Variants in MIB1 observed in about 807,000 individuals in gnomAD.
MIB1 encodes the protein MIB E3 ubiquitin protein ligase 1, also known as E3 ubiquitin-protein ligase MIB1.
In MIB1, 278 loss-of-function variants were observed where a neutral mutation model predicts 124.5. That is an observed-to-expected ratio of 2.23 (90% CI 2.02 to 2.47). The LOEUF (loss-of-function observed/expected upper bound fraction) is 2.47, where lower values mean the gene tolerates loss of function less well. MIB1 is among the 30% of genes most tolerant of loss of function. The probability of loss-of-function intolerance (pLI) is 0.00; values close to 1 mark genes in which losing one functional copy is unlikely to be tolerated. For synonymous variants in MIB1, 446 were observed against 429.4 expected (o/e 1.04, Z -0.48); for missense variants, 957 against 1,254.4 (o/e 0.76, Z 3.58).
rs969012484 is a variant in MIB1 at position 21,835,718 on chromosome 18, C to T, written c.1830-2647C>T. Among the ~76,000 whole-genome samples the T allele has an allele frequency of 1.5e-4, 22 of 148,650 alleles. No individual in the cohort carries two copies. The East Asian group carries it at 2.4e-3, about 16-fold the overall frequency. ...CTGGGAGGTGGAGGTTGCAGTGAGC[C>T]GAGATTGAGCTACTGCACTCCAGCC... On this transcript the variant is annotated intron_variant, in intron 12 of 20. Coordinates refer to ENST00000261537, the MANE Select transcript of MIB1 (RefSeq NM_020774.4).
Position 21,866,792 on chromosome 18 carries a change from A to C in MIB1, c.*2126A>C, listed in dbSNP as rs568521974. 1 of 152,440 alleles carries C rather than the reference A, an allele frequency of 6.6e-6. No individual in the cohort carries two copies. The highest frequency in any genetic ancestry group is 6.5e-5 in the Admixed American group (1 of 15,306). The allele number at this position is 152,440 out of a possible 1,614,324, so 9.4% of individuals were successfully genotyped here. ...ATAGAAATAATGTCATTATAATTTT[A>C]GTGCTAGTACTTGTGGGTTTTCTGT... On this transcript the variant is annotated 3_prime_UTR_variant, in exon 21 of 21. Transcript: ENST00000261537.
At chr18:21,827,121 A>G (rs2041932414) in intron 12 of MIB1, 2 of 152,106 alleles carry the variant, frequency 1.3e-5, no homozygotes, top group Non-Finnish European at 1.5e-5. Flanking sequence ...ACAGCATTTG[A>G]TAATGTCAGC....
intron 11 of MIB1, 88 bp downstream of exon 11, chr18:21,815,901 T>A: frequency 8.5e-7 from 1 of 1,178,148 alleles, no homozygotes; most frequent in African/African-American, 1.5e-5. Context: ...CATTCCTTTG[T>A]TACCGTTCTC....
At chr18:21,782,144 C>T (rs779590440) in intron 6 of MIB1, among the ~76,000 whole-genome samples, 3 of 151,756 alleles carry the variant, frequency 2.0e-5, no homozygotes, top group Non-Finnish European at 4.4e-5. Context: ...TTTTTTGAGA[C>T]GAAGTTTCGC....
intron 13 of MIB1, among the ~76,000 whole-genome samples, chr18:21,842,445 T>C: frequency 6.6e-6 from 1 of 152,134 alleles, no homozygotes; most frequent in East Asian, 1.9e-4. Flanking sequence ...GTTTTAACTG[T>C]CACCATTTTG....
chr18:21,803,930 C>T lies in MIB1; in HGVS notation c.1395C>T (p.His465=). The T allele has an allele frequency of 1.2e-6, 2 of 1,613,426 alleles. No individual in the cohort carries two copies. Among genetic ancestry groups the T allele is most frequent in the Middle Eastern group, 3.3e-4 (2 of 5,976 alleles). ...DVDVNGQCAG[H]TAMQAASQNG... ...AGGTAAATGGGCAATGTGCTGGCCA[C>T]ACAGCTATGCAAGCTGCTAGTCAGA... The change falls in exon 10 of 21, where the codon CAC becomes CAT. Residue 465 remains histidine, a synonymous_variant. Transcript: ENST00000261537.
At chr18:21,779,790 AG>A in intron 6 of MIB1, 105 bp downstream of exon 6, 1 of 886,302 alleles carries the variant, frequency 1.1e-6, no homozygotes, top group Non-Finnish European at 1.8e-6. Context: ...CATTAAAGCT[AG>A]CTTTTAGATG....
chr18:21,746,790 A>C (rs2040917236), intron 1 of MIB1, among the ~76,000 whole-genome samples: 1 of 152,192 alleles, frequency 6.6e-6, no homozygotes, highest in African/African-American at 2.4e-5. Context: ...GTCATAGTTC[A>C]TTCAAACTGT....
rs2041952723 is a variant in MIB1, at chr18:21,828,933, T to G, written c.1829+9287T>G. The G allele has an allele frequency of 6.6e-6, 3 of 451,422 alleles. No individual in the cohort carries two copies. In the Admixed American group the frequency reaches 8.2e-5, roughly 12 times the overall value. The allele number at this position is 451,422 out of a possible 1,614,324, so 28.0% of individuals were successfully genotyped here. On this transcript the variant is annotated intron_variant, in intron 12 of 20. Coordinates refer to ENST00000261537, the MANE Select transcript of MIB1 (RefSeq NM_020774.4). ...TTCATGACTAGGTTAATTTACCATA[T>G]GACGGTCATTCACGTAGAAAGAAGC...
rs1231868738 is a variant in MIB1, at chr18:21,755,221, TGTAGATTAGCACTAC to T, written c.230-10546_230-10532del. Among the ~76,000 whole-genome samples, 12 of 152,342 alleles carry T rather than the reference TGTAGATTAGCACTAC, an allele frequency of 7.9e-5. No individual in the cohort carries two copies. In the East Asian group the frequency reaches 2.3e-3, roughly 29 times the overall value. On this transcript the variant is annotated intron_variant, in intron 1 of 20. Transcript: ENST00000261537. ...ACAACATTTTTTATCTTTGTAAGCC[TGTAGATTAGCACTAC>T]GTAGTGTAAACAGGTTCTTGTGAAC...
chr18:21,822,464 T>TA (rs202119768), intron 12 of MIB1, among the ~76,000 whole-genome samples: 12 of 151,474 alleles, frequency 7.9e-5, no homozygotes, highest in African/African-American at 1.2e-4. Flanking sequence ...AGGTGACATT[T>TA]AAAAAAAAAT....
chr18:21,787,134 G>T (rs775193793), intron 6 of MIB1, among the ~76,000 whole-genome samples: 4 of 151,808 alleles, frequency 2.6e-5, no homozygotes, highest in Non-Finnish European at 5.9e-5. Context: ...ATTGCTGCCT[G>T]CCTCCTTTTC....
intron 1 of MIB1, among the ~76,000 whole-genome samples, chr18:21,750,947 A>G (rs1055473056): frequency 3.9e-5 from 6 of 152,152 alleles, no homozygotes; most frequent in Non-Finnish European, 5.9e-5. Context: ...CTGTAATCCT[A>G]GCACTTTGGG....
intron 1 of MIB1, among the ~76,000 whole-genome samples, chr18:21,733,772 C>G (rs938184281): frequency 6.7e-6 from 1 of 149,980 alleles, no homozygotes; most frequent in East Asian, 2.0e-4. Context: ...ATGGTGCAAT[C>G]TCGGCTCACT....
chr18:21,842,148 C>G (rs1410913849), intron 13 of MIB1, among the ~76,000 whole-genome samples: 1 of 144,370 alleles, frequency 6.9e-6, no homozygotes. Context: ...CAGGTACCTT[C>G]TGACCACACT....
chr18:21,854,687 G>T, intron 18 of MIB1: 1 of 193,924 alleles, frequency 5.2e-6, no homozygotes, highest in South Asian at 8.8e-5. Context: ...ACATTTTCAC[G>T]ACGACATTCT....
intron 12 of MIB1, among the ~76,000 whole-genome samples, chr18:21,822,504 A>G (rs2041888003): frequency 6.6e-6 from 1 of 152,216 alleles, no homozygotes; most frequent in African/African-American, 2.4e-5. Flanking sequence ...GTAGTGCTTC[A>G]GTTAAAGCTA....
chr18:21,753,696 G>C (rs1157976827), intron 1 of MIB1, among the ~76,000 whole-genome samples: 2 of 151,386 alleles, frequency 1.3e-5, no homozygotes, highest in Admixed American at 1.3e-4. Flanking sequence ...TTTTTTTTGA[G>C]ATAGAATTTT....
At chr18:21,851,431 A>G (rs1416426350) in intron 17 of MIB1, among the ~76,000 whole-genome samples, 2 of 152,172 alleles carry the variant, frequency 1.3e-5, no homozygotes, top group African/African-American at 4.8e-5. Context: ...TTATAAATTT[A>G]TAATCTATAG....
Sources: allele counts gnomAD v4.1 joint callset (sites outside exome capture counted in the v4.1 genomes callset), GRCh38; gene constraint gnomAD v4.1.1; transcripts MANE v1.5; gene names NCBI Gene and HGNC (gene_info 2026-07-23, HGNC 2026-07-21).